BMP5: variants seen among roughly 807,000 people sequenced by gnomAD.
BMP5 encodes bone morphogenetic protein 5.
A neutral mutation model predicts 46.6 loss-of-function variants in BMP5; 23 were observed. That is an observed-to-expected ratio of 0.49 (90% CI 0.35 to 0.70). BMP5 has a LOEUF of 0.70. Among genes scored for constraint, BMP5 ranks in the 30% least tolerant of loss-of-function variants. The pLI is 0.00. For synonymous variants in BMP5, 204 were observed against 191.9 expected, an observed-to-expected ratio of 1.06 and a Z score of -0.52; for missense variants, 545 against 565.6, an observed-to-expected ratio of 0.96 and a Z score of 0.37.
intron 2 of BMP5, among the ~76,000 whole-genome samples, chr6:55,804,317 G>T (rs955092429): frequency 1.3e-5 from 2 of 152,164 alleles, no homozygotes; most frequent in African/African-American, 2.4e-5. Context: ...TGGAAGAGGA[G>T]ATTGGAATTA....
intron 3 of BMP5, among the ~76,000 whole-genome samples, 167 bp from the exon 4 acceptor site, chr6:55,774,410 C>T (rs900780090): frequency 4.6e-5 from 7 of 151,902 alleles, no homozygotes; most frequent in African/African-American, 1.7e-4. Context: ...CTATTACAGA[C>T]AATTATCCAT....
At chr6:55,845,125 G>A (rs1412206407) in intron 1 of BMP5, among the ~76,000 whole-genome samples, 2 of 151,916 alleles carry the variant, frequency 1.3e-5, no homozygotes, top group Non-Finnish European at 2.9e-5. Flanking sequence ...CAAATTTTAT[G>A]GCTAATATCT....
intron 4 of BMP5, among the ~76,000 whole-genome samples, chr6:55,768,150 T>C (rs1268928559): frequency 6.6e-6 from 1 of 151,978 alleles, no homozygotes; most frequent in East Asian, 1.9e-4. Context: ...CAATTAATTA[T>C]TTTCTTGTTT....
chr6:55,851,811 A>G (rs1421496117), intron 1 of BMP5, among the ~76,000 whole-genome samples: 1 of 152,158 alleles, frequency 6.6e-6, no homozygotes, highest in Admixed American at 6.5e-5. Flanking sequence ...AAAAATCTAC[A>G]TTCCCTCTAG....
At chr6:55,825,693 T>G (rs562568142) in intron 1 of BMP5, among the ~76,000 whole-genome samples, 1 of 152,044 alleles carries the variant, frequency 6.6e-6, no homozygotes, top group South Asian at 2.1e-4. Flanking sequence ...CTAAATATTT[T>G]CATGTCTACA....
At chr6:55,789,621 G>C (rs2127527190) in intron 3 of BMP5, among the ~76,000 whole-genome samples, 1 of 151,794 alleles carries the variant, frequency 6.6e-6, no homozygotes, top group Admixed American at 6.6e-5. Context: ...CAATAATTTA[G>C]GACAGATTTA....
intron 2 of BMP5, among the ~76,000 whole-genome samples, chr6:55,806,699 A>C (rs1038460844): frequency 5.3e-5 from 8 of 152,086 alleles, no homozygotes; most frequent in South Asian, 2.1e-4. Flanking sequence ...TCCTATCCAC[A>C]AGAATAGAAT....
intron 3 of BMP5, among the ~76,000 whole-genome samples, chr6:55,783,996 C>T (rs1007630664): frequency 6.6e-6 from 1 of 151,784 alleles, no homozygotes; most frequent in African/African-American, 2.4e-5. Flanking sequence ...ATTTTAAAAC[C>T]TTTTTTCATA....
chr6:55,763,203 A>G (rs2127516845), intron 4 of BMP5, among the ~76,000 whole-genome samples: 1 of 152,302 alleles, frequency 6.6e-6, no homozygotes, highest in African/African-American at 2.4e-5. Flanking sequence ...CCAATAGCAC[A>G]TACATGTTTA....
At chr6:55,793,275 C>T (rs181506494) in intron 3 of BMP5, among the ~76,000 whole-genome samples, 3 of 152,222 alleles carry the variant, frequency 2.0e-5, no homozygotes, top group African/African-American at 7.2e-5. Context: ...AATTGCCTGC[C>T]CCCCAACTTC....
chr6:55,819,902 G>T, intron 1 of BMP5, 55 bp from the exon 2 acceptor site: 1 of 1,387,038 alleles, frequency 7.2e-7, no homozygotes, highest in East Asian at 2.3e-5. Context: ...ATAAAATATG[G>T]AAATTAATGA....
chr6:55,851,126 G>A (rs922441385), intron 1 of BMP5, among the ~76,000 whole-genome samples: 1 of 117,676 alleles, frequency 8.5e-6, no homozygotes, highest in African/African-American at 3.8e-5. Flanking sequence ...GTTTTGTTTT[G>A]TTTTGTTTTG....
intron 3 of BMP5, among the ~76,000 whole-genome samples, chr6:55,788,249 A>G (rs1357906553): frequency 6.6e-6 from 1 of 151,680 alleles, no homozygotes; most frequent in East Asian, 1.9e-4. Flanking sequence ...CCTTATTTTC[A>G]TTGATTAAAT....
intron 1 of BMP5, among the ~76,000 whole-genome samples, chr6:55,842,655 C>T (rs1487949065): frequency 1.3e-5 from 2 of 151,948 alleles, no homozygotes; most frequent in Non-Finnish European, 1.5e-5. Context: ...AAAAATGCCC[C>T]GACACAAAAA....
chr6:55,795,386 G>A (rs866317097), intron 2 of BMP5, among the ~76,000 whole-genome samples: 1 of 151,846 alleles, frequency 6.6e-6, no homozygotes, highest in Non-Finnish European at 1.5e-5. Flanking sequence ...ATATTGTATT[G>A]AATCTATTTA....
chr6:55,875,262 A>G lies in BMP5; in HGVS notation c.-397T>C, dbSNP rs952784751. 8.3e-5 allele frequency: 18 copies of G among 217,246 alleles called. No individual in the cohort carries two copies. The highest frequency in any genetic ancestry group is 3.8e-4 in the African/African-American group (16 of 42,352). 13.5% of individuals were successfully genotyped at this position (217,246 alleles called of 1,614,324 possible). ...GATCTTCTGATAAACTGTAGTTCCC[A>G]AAGTAATCTTCACTTGCTTTTGAGT... On this transcript the variant is annotated 5_prime_UTR_variant, in exon 1 of 7. Coordinates refer to ENST00000370830, the MANE Select transcript of BMP5 (RefSeq NM_021073.4).
chr6:55,776,662 T>C (rs538871375), intron 3 of BMP5, among the ~76,000 whole-genome samples: 2 of 151,700 alleles, frequency 1.3e-5, no homozygotes, highest in African/African-American at 4.8e-5. Context: ...TCATTTTTAA[T>C]GTATGATCTT....
chr6:55,813,693 A>G (rs1045678170), intron 2 of BMP5, among the ~76,000 whole-genome samples: 4 of 151,626 alleles, frequency 2.6e-5, no homozygotes, highest in African/African-American at 9.7e-5. Flanking sequence ...AGGCTGAGGC[A>G]GGAGAACAGC....
chr6:55,753,737 T>C lies in BMP5; in HGVS notation c.*1796A>G, dbSNP rs972248603. On this transcript the variant is annotated 3_prime_UTR_variant, in exon 7 of 7. Coordinates refer to ENST00000370830, the MANE Select transcript of BMP5 (RefSeq NM_021073.4). The stretch of plus-strand genomic sequence containing the variant: ...CAATTAAGAACAACATAAAGAATCA[T>C]GTGATCCACAAACAGTTTACATTTG... 3.3e-5 allele frequency: 3 copies of C among 89,914 alleles called. No individual in the cohort carries two copies. Among genetic ancestry groups the C allele is most frequent in the African/African-American group, 1.3e-4 (3 of 23,222 alleles). The allele number at this position is 89,914 out of a possible 1,614,324, so 5.6% of individuals were successfully genotyped here. A position where few individuals can be genotyped will look rare whatever the true frequency, so the allele number is the denominator to read the frequency against.
Sources: gnomAD v4.1 joint callset for allele counts (sites outside exome capture counted in the v4.1 genomes callset) on GRCh38, gnomAD v4.1.1 for gene constraint, MANE v1.5 for transcripts, NCBI Gene and HGNC (gene_info 2026-07-23, HGNC 2026-07-21) for gene names.